MAP3K3: variants seen among roughly 807,000 people sequenced by gnomAD.
MAP3K3 encodes MAP/ERK kinase kinase 3.
A neutral mutation model predicts 80.9 loss-of-function variants in MAP3K3; 12 were observed. The ratio of observed to expected loss-of-function variants is 0.15; its 90% CI spans 0.10 to 0.24. The LOEUF (loss-of-function observed/expected upper bound fraction) is 0.24. Among genes scored for constraint, MAP3K3 ranks in the 10% least tolerant of loss-of-function variants. The pLI is 1.00. For synonymous variants in MAP3K3, 272 were observed against 307.1 expected, an observed-to-expected ratio of 0.89 and a Z score of 1.19; for missense variants, 596 against 834.7, an observed-to-expected ratio of 0.71 and a Z score of 3.52.
intron 6 of MAP3K3, among the ~76,000 whole-genome samples, chr17:63,672,663 A>G (rs1331990027): frequency 1.3e-5 from 2 of 152,206 alleles, no homozygotes; most frequent in African/African-American, 4.8e-5. Context: ...ATTGAGCCTT[A>G]GGAACCCAAC....
At chr17:63,641,542 A>G (rs912174159) in intron 2 of MAP3K3, among the ~76,000 whole-genome samples, 1 of 152,150 alleles carries the variant, frequency 6.6e-6, no homozygotes, top group Non-Finnish European at 1.5e-5. Flanking sequence ...AGCCTAGTGC[A>G]GTTAGGTTTA....
chr17:63,692,559 T>C lies in MAP3K3; in HGVS notation c.1652+140T>C, dbSNP rs1314355358. 10 of 832,692 alleles carry C rather than the reference T, an allele frequency of 1.2e-5. No homozygotes were observed. Among genetic ancestry groups the C allele is most frequent in the Non-Finnish European group, 1.8e-5 (10 of 550,766 alleles). 51.6% of individuals were successfully genotyped at this position (832,692 alleles called of 1,614,324 possible). ...GGCTGCAGTGTGTGCAAGGGTATTA[T>C]TGGGTGCAGTAGCACACACACCACA... On this transcript the variant is annotated intron_variant, in intron 15 of 15. Coordinates refer to ENST00000361733, the MANE Select transcript of MAP3K3 (RefSeq NM_002401.5). The surrounding 1 kb of genome is among the most constrained non-coding windows in gnomAD (Gnocchi z 4.5).
chr17:63,669,164 T>A (rs2035054691), intron 6 of MAP3K3, among the ~76,000 whole-genome samples: 1 of 152,204 alleles, frequency 6.6e-6, no homozygotes, highest in Non-Finnish European at 1.5e-5. Context: ...GATTTCTAAC[T>A]GGAATGATCT....
Position 63,693,834 on chromosome 17 carries a change from C to A in MAP3K3, c.*57C>A. 6.8e-7 allele frequency: 1 copy of A among 1,463,256 alleles called. No individual in the cohort carries two copies. Among genetic ancestry groups the A allele is most frequent in the Non-Finnish European group, 9.4e-7 (1 of 1,066,878 alleles). The allele number at this position is 1,463,256 out of a possible 1,614,324, so 90.6% of individuals were successfully genotyped here. A position where few individuals can be genotyped will look rare whatever the true frequency, so the allele number is the denominator to read the frequency against. On this transcript the variant is annotated 3_prime_UTR_variant, in exon 16 of 16. Coordinates refer to ENST00000361733, the MANE Select transcript of MAP3K3 (RefSeq NM_002401.5). This position sits in a 1 kb window ranked among gnomAD's most constrained non-coding sequence, Gnocchi z 4.2. Reference sequence around the variant, plus strand: ...TTTGCTGCATGGCAGGGGGCTGCTGCTGGGCTCAGTGAAGTTGCTGCTTCT... The same window carrying A: ...TTTGCTGCATGGCAGGGGGCTGCTGATGGGCTCAGTGAAGTTGCTGCTTCT...
Position 63,689,295 on chromosome 17 carries a change from G to A in MAP3K3, c.872-249G>A, listed in dbSNP as rs893165555. 5.3e-4 allele frequency: 297 copies of A among 559,034 alleles called. 1 individual carries two copies. In the Middle Eastern group the frequency reaches 6.6e-3, roughly 12 times the overall value. The allele number at this position is 559,034 out of a possible 1,614,324, so 34.6% of individuals were successfully genotyped here. On this transcript the variant is annotated intron_variant, in intron 10 of 15. Transcript: ENST00000361733. The surrounding 1 kb of genome is among the most constrained non-coding windows in gnomAD (Gnocchi z 4.3). ...ACCTTCCCTTTGGCCAGATCTCCCT[G>A]AACCAGACTACTTCCTAATTTCTGC... is the stretch of plus-strand genomic sequence containing the variant.
intron 2 of MAP3K3, among the ~76,000 whole-genome samples, chr17:63,643,074 G>GA (rs111874184): frequency 4.6e-3 from 561 of 122,130 alleles, no homozygotes; most frequent in East Asian, 9.4e-3. Context: ...TTCTAAAAAT[G>GA]AAAAAAAAAA....
intron 2 of MAP3K3, chr17:63,634,845 A>G (rs772922915): frequency 1.3e-6 from 2 of 1,486,744 alleles, no homozygotes; most frequent in Non-Finnish European, 1.9e-6. Context: ...GTACTTTTAA[A>G]TCTGCTACTC....
intron 5 of MAP3K3, among the ~76,000 whole-genome samples, chr17:63,663,559 A>G (rs1367475176): frequency 1.3e-5 from 2 of 152,266 alleles, no homozygotes; most frequent in East Asian, 3.9e-4. Flanking sequence ...AGCATATATA[A>G]TCAGAGTCTT....
At chr17:63,679,408 T>C (rs2035284526) in intron 6 of MAP3K3, among the ~76,000 whole-genome samples, 1 of 152,222 alleles carries the variant, frequency 6.6e-6, no homozygotes, top group African/African-American at 2.4e-5. Flanking sequence ...GAGCACCCTC[T>C]GCTGTAGATG....
In MAP3K3 at chr17:63,693,397, C is replaced by T. The variant is rs763744054; in HGVS notation, c.1653-152C>T. ...GGTGAGTGTAGGTCCATGAAGCCCACGTGGACAGACATCCAAGCTGAGGTA... is the reference window on the plus strand; with the variant it reads ...GGTGAGTGTAGGTCCATGAAGCCCATGTGGACAGACATCCAAGCTGAGGTA... On this transcript the variant is annotated intron_variant, in intron 15 of 15. Transcript: ENST00000361733. The surrounding 1 kb of genome is among the most constrained non-coding windows in gnomAD (Gnocchi z 4.2). The T allele has an allele frequency of 1.6e-5, 10 of 613,852 alleles. No homozygotes were observed. The highest frequency in any genetic ancestry group is 3.4e-5 in the Admixed American group (1 of 29,718). The allele number at this position is 613,852 out of a possible 1,614,324, so 38.0% of individuals were successfully genotyped here.
chr17:63,679,816 A>G (rs1301995402), intron 6 of MAP3K3, among the ~76,000 whole-genome samples: 2 of 152,216 alleles, frequency 1.3e-5, no homozygotes, highest in Non-Finnish European at 2.9e-5. Flanking sequence ...ACATATATGT[A>G]TAAACATGTA....
intron 6 of MAP3K3, among the ~76,000 whole-genome samples, chr17:63,674,682 G>C (rs923061220): frequency 6.4e-4 from 97 of 152,252 alleles, no homozygotes; most frequent in African/African-American, 2.3e-3. Flanking sequence ...ATATGAGGAA[G>C]TGTATGAAGG....
intron 8 of MAP3K3, among the ~76,000 whole-genome samples, chr17:63,687,993 C>CT (rs2035495814): frequency 6.6e-6 from 1 of 151,888 alleles, no homozygotes; most frequent in African/African-American, 2.4e-5. Context: ...ATACATAGGA[C>CT]TGTGTGTGCC....
At chr17:63,636,050 A>G (rs1187152024) in intron 2 of MAP3K3, among the ~76,000 whole-genome samples, 1 of 152,202 alleles carries the variant, frequency 6.6e-6, no homozygotes, top group East Asian at 1.9e-4. Flanking sequence ...CGAGACTGGC[A>G]CAGCTTCATG....
chr17:63,687,689 T>TA (rs983228840), intron 8 of MAP3K3, among the ~76,000 whole-genome samples: 84 of 116,832 alleles, frequency 7.2e-4, no homozygotes, highest in East Asian at 1.1e-3. Flanking sequence ...GACTCCATCT[T>TA]AAAAAAAAAA....
intron 2 of MAP3K3, among the ~76,000 whole-genome samples, chr17:63,634,526 G>C (rs1260323310): frequency 1.3e-5 from 2 of 152,168 alleles, no homozygotes; most frequent in African/African-American, 4.8e-5. Flanking sequence ...TGCTGTGCCT[G>C]CTGCTGCGCT....
chr17:63,655,351 T>G (rs2034745803), intron 4 of MAP3K3, among the ~76,000 whole-genome samples: 1 of 152,110 alleles, frequency 6.6e-6, no homozygotes, highest in Admixed American at 6.5e-5. Flanking sequence ...GAACTACAAA[T>G]CAATATGGGA....
intron 3 of MAP3K3, among the ~76,000 whole-genome samples, chr17:63,651,296 C>T (rs148519333): frequency 1.3e-5 from 2 of 152,146 alleles, no homozygotes; most frequent in East Asian, 1.9e-4. Flanking sequence ...TCAGCCTGGG[C>T]AACTTATTGA....
At chr17:63,645,388 G>A (rs2034521741) in intron 2 of MAP3K3, among the ~76,000 whole-genome samples, 1 of 152,214 alleles carries the variant, frequency 6.6e-6, no homozygotes, top group African/African-American at 2.4e-5. Flanking sequence ...GAAAAGGCTG[G>A]GAACAGTGTA....
Sources: gnomAD v4.1 joint callset for allele counts (sites outside exome capture counted in the v4.1 genomes callset) on GRCh38, gnomAD v4.1.1 for gene constraint, Gnocchi (gnomAD v3.1) non-coding constraint, MANE v1.5 for transcripts, NCBI Gene and HGNC (gene_info 2026-07-23, HGNC 2026-07-21) for gene names.